The following KIF26B variants were observed in gnomAD, a reference collection of about 807,000 sequenced individuals.
KIF26B encodes kinesin family member 26B, also known as kinesin-like protein KIF26B.
A neutral mutation model predicts 151.2 loss-of-function variants in KIF26B; 63 were observed. The observed-to-expected ratio is 0.42, with a 90% confidence interval of 0.34 to 0.51. KIF26B has a LOEUF of 0.51. Ranked by LOEUF, KIF26B falls within the 20% of genes least tolerant of loss-of-function variation. The pLI is 0.07. For synonymous variants in KIF26B, 1,357 were observed against 1,262.1 expected, an observed-to-expected ratio of 1.08 and a Z score of -1.59; for missense variants, 2,813 against 2,913.6, an observed-to-expected ratio of 0.97 and a Z score of 0.79.
intron 12 of KIF26B, among the ~76,000 whole-genome samples, chr1:245,692,524 G>C (rs967346028): frequency 6.6e-6 from 1 of 152,090 alleles, no homozygotes; most frequent in Non-Finnish European, 1.5e-5. Context: ...ACTCCCAGCG[G>C]CAAGAGCCTG....
intron 4 of KIF26B, among the ~76,000 whole-genome samples, chr1:245,451,203 TTATCAA>T (rs554444171): frequency 3.4e-4 from 52 of 152,314 alleles, no homozygotes; most frequent in Non-Finnish European, 6.5e-4. Flanking sequence ...TTTAAAATTT[TTATCAA>T]TATAAGTATT....
intron 4 of KIF26B, among the ~76,000 whole-genome samples, chr1:245,429,086 T>C (rs547314403): frequency 1.3e-5 from 2 of 152,264 alleles, no homozygotes; most frequent in South Asian, 4.1e-4. Context: ...ACATTCTGAC[T>C]TGAGGCAAGT....
chr1:245,176,046 T>C (rs1332886774), intron 2 of KIF26B, among the ~76,000 whole-genome samples: 1 of 151,792 alleles, frequency 6.6e-6, no homozygotes, highest in Non-Finnish European at 1.5e-5. Flanking sequence ...TCACTCTTGT[T>C]GCCCAGGCTG....
chr1:245,317,966 A>T (rs1281562443), intron 2 of KIF26B, among the ~76,000 whole-genome samples: 1 of 151,992 alleles, frequency 6.6e-6, no homozygotes, highest in Non-Finnish European at 1.5e-5. Flanking sequence ...GGGATTTCAC[A>T]CTCTTAACAA....
At chr1:245,315,710 CAAAA>C (rs34972152) in intron 2 of KIF26B, among the ~76,000 whole-genome samples, 11 of 119,530 alleles carry the variant, frequency 9.2e-5, no homozygotes, top group Non-Finnish European at 1.1e-4. Flanking sequence ...TGACAGAGTG[CAAAA>C]AAAAAAAAAA....
chr1:245,407,660 C>G (rs2103030042), intron 3 of KIF26B, among the ~76,000 whole-genome samples: 1 of 152,230 alleles, frequency 6.6e-6, no homozygotes, highest in East Asian at 1.9e-4. Context: ...CCCTTAAAAA[C>G]AAACAAAACT....
At chr1:245,692,734 A>G (rs1393010730) in intron 12 of KIF26B, among the ~76,000 whole-genome samples, 1 of 152,244 alleles carries the variant, frequency 6.6e-6, no homozygotes, top group South Asian at 2.1e-4. Context: ...ATATTATTGT[A>G]GTTGGCAATG....
chr1:245,246,906 CAG>C (rs1670342557), intron 2 of KIF26B, among the ~76,000 whole-genome samples: 2 of 150,032 alleles, frequency 1.3e-5, no homozygotes, highest in Non-Finnish European at 3.0e-5. Context: ...CACACACACA[CAG>C]ACACAGACAC....
intron 2 of KIF26B, among the ~76,000 whole-genome samples, chr1:245,342,045 T>C (rs1375566938): frequency 2.6e-5 from 4 of 152,238 alleles, no homozygotes; most frequent in African/African-American, 9.6e-5. Flanking sequence ...TCTTGAACCG[T>C]AAACCAGAAA....
intron 2 of KIF26B, among the ~76,000 whole-genome samples, chr1:245,238,792 G>A (rs1405699289): frequency 1.3e-5 from 2 of 152,120 alleles, no homozygotes; most frequent in African/African-American, 2.4e-5. Context: ...AACCTGGGAG[G>A]CGGAGGTTGC....
intron 5 of KIF26B, among the ~76,000 whole-genome samples, chr1:245,555,087 A>G (rs1661987237): frequency 6.6e-6 from 1 of 152,088 alleles, no homozygotes; most frequent in Admixed American, 6.5e-5. Context: ...AGAGGGAGAA[A>G]TGTCATATCT....
chr1:245,641,888 C>A (rs1313941574), intron 9 of KIF26B, among the ~76,000 whole-genome samples: 1 of 152,206 alleles, frequency 6.6e-6, no homozygotes, highest in East Asian at 1.9e-4. Flanking sequence ...ATGATGATAT[C>A]TACACATTGA....
At chr1:245,661,013 G>A (rs150246776) in intron 10 of KIF26B, among the ~76,000 whole-genome samples, 215 of 146,660 alleles carry the variant, frequency 1.5e-3, no homozygotes, top group African/African-American at 5.0e-3. Flanking sequence ...TGGAGACAGA[G>A]TCTCACTCTG....
intron 4 of KIF26B, among the ~76,000 whole-genome samples, chr1:245,501,992 A>G (rs996661605): frequency 6.6e-6 from 1 of 152,148 alleles, no homozygotes; most frequent in Non-Finnish European, 1.5e-5. Context: ...ATACAAACCA[A>G]TGAAGGCGGC....
chr1:245,675,436 T>C (rs1205988229), intron 10 of KIF26B, among the ~76,000 whole-genome samples: 1 of 152,076 alleles, frequency 6.6e-6, no homozygotes, highest in Non-Finnish European at 1.5e-5. Context: ...TACCCTAAGA[T>C]CTTATGTGGC....
chr1:245,365,478 A>T (rs1173847), intron 2 of KIF26B, among the ~76,000 whole-genome samples: 2 of 148,026 alleles, frequency 1.4e-5, no homozygotes, highest in African/African-American at 5.1e-5. Flanking sequence ...CACCCCCCAA[A>T]TGCTGATCTT....
intron 8 of KIF26B, among the ~76,000 whole-genome samples, chr1:245,610,224 C>A (rs2043504662): frequency 6.6e-6 from 1 of 152,176 alleles, no homozygotes; most frequent in African/African-American, 2.4e-5. Flanking sequence ...TAAGTACCTG[C>A]CTCTTCCCAA....
intron 12 of KIF26B, among the ~76,000 whole-genome samples, chr1:245,693,643 C>G (rs2044654011): frequency 6.6e-6 from 1 of 152,102 alleles, no homozygotes; most frequent in Non-Finnish European, 1.5e-5. Flanking sequence ...GTGACTTGCA[C>G]CTGTAGTGAA....
chr1:245,531,300 A>G (rs1369282977), intron 4 of KIF26B, among the ~76,000 whole-genome samples: 1 of 152,240 alleles, frequency 6.6e-6, no homozygotes. Context: ...ACCAAAATTA[A>G]CATGATGTAG....
Sources: allele counts gnomAD v4.1 joint callset (sites outside exome capture counted in the v4.1 genomes callset), GRCh38; gene constraint gnomAD v4.1.1; transcripts MANE v1.5; gene names NCBI Gene and HGNC (gene_info 2026-07-23, HGNC 2026-07-21).